The following CYFIP1 variants were observed in gnomAD, a reference collection of about 807,000 sequenced individuals.
CYFIP1 encodes the protein cytoplasmic FMR1-interacting protein 1.
CYFIP1 carries 58 observed loss-of-function variants against 163.5 expected under a neutral mutation model. That is an observed-to-expected ratio of 0.35 (90% CI 0.29 to 0.44). The LOEUF (loss-of-function observed/expected upper bound fraction) is 0.44, where lower values mean the gene tolerates loss of function less well. Ranked by LOEUF, CYFIP1 falls within the 20% of genes least tolerant of loss-of-function variation. The pLI, the probability that CYFIP1 is intolerant of heterozygous loss-of-function variation, is 1.00. For missense variants in CYFIP1, 1,338 were observed against 1,653.8 expected, an observed-to-expected ratio of 0.81 and a Z score of 3.31; for synonymous variants, 663 against 660.7, an observed-to-expected ratio of 1.00 and a Z score of -0.05.
chr15:22,915,146 A>C (rs1228639979), intron 16 of CYFIP1: 20 of 307,222 alleles, frequency 6.5e-5, no homozygotes, highest in Non-Finnish European at 9.6e-5. Flanking sequence ...TTTTTTTTTG[A>C]GACAGAGTCT....
intron 1 of CYFIP1, among the ~76,000 whole-genome samples, chr15:22,961,146 C>G (rs1336495063): frequency 6.6e-6 from 1 of 152,006 alleles, no homozygotes; most frequent in South Asian, 2.1e-4. Flanking sequence ...CTCAGCCTCC[C>G]GAGAAGCTGG....
At chr15:22,973,537 C>T (rs1022421121) in intron 1 of CYFIP1, among the ~76,000 whole-genome samples, 20 of 152,018 alleles carry the variant, frequency 1.3e-4, no homozygotes, top group Non-Finnish European at 2.4e-4. Context: ...TCTCCCCTTC[C>T]GCCAGCCACC....
At chr15:22,911,713 G>A (rs1433935239) in intron 18 of CYFIP1, among the ~76,000 whole-genome samples, 2 of 152,204 alleles carry the variant, frequency 1.3e-5, no homozygotes, top group African/African-American at 4.8e-5. Flanking sequence ...TTTTCAGGTG[G>A]TCTTTGTGAG....
At chr15:22,903,433 C>T (rs1731145048) in intron 22 of CYFIP1, among the ~76,000 whole-genome samples, 1 of 152,212 alleles carries the variant, frequency 6.6e-6, no homozygotes, top group African/African-American at 2.4e-5. Flanking sequence ...AAGAAGCAGA[C>T]TCACCCCACT....
At chr15:22,978,382 A>AAAAAG (rs2063352636) in intron 1 of CYFIP1, among the ~76,000 whole-genome samples, 2 of 147,334 alleles carry the variant, frequency 1.4e-5, no homozygotes, top group Non-Finnish European at 3.0e-5. Flanking sequence ...AAAAAAAAAA[A>AAAAAG]GGAATACTAT....
chr15:22,891,885 A>G (rs1008873306), intron 23 of CYFIP1, among the ~76,000 whole-genome samples: 3 of 152,250 alleles, frequency 2.0e-5, no homozygotes, highest in Non-Finnish European at 4.4e-5. Flanking sequence ...GAAAGCGTCC[A>G]GGTGCAGGCA....
intron 9 of CYFIP1, among the ~76,000 whole-genome samples, chr15:22,935,600 C>T (rs572353469): frequency 1.3e-5 from 2 of 152,054 alleles, no homozygotes; most frequent in Non-Finnish European, 2.9e-5. Flanking sequence ...ATGACACCAT[C>T]GAGAACGCGA....
intron 25 of CYFIP1, 58 bp downstream of exon 25, chr15:22,881,788 G>T: frequency 1.3e-6 from 2 of 1,523,556 alleles, no homozygotes; most frequent in South Asian, 2.3e-5. Flanking sequence ...TTTCTGACTT[G>T]AATTCCTTTC....
intron 22 of CYFIP1, among the ~76,000 whole-genome samples, chr15:22,903,159 C>T (rs867792450): frequency 8.5e-5 from 13 of 152,124 alleles, no homozygotes; most frequent in Non-Finnish European, 1.5e-4. Context: ...TGGTGGGTGA[C>T]ACAGACATGT....
chr15:22,894,545 C>G (rs2060173458), intron 22 of CYFIP1, among the ~76,000 whole-genome samples: 1 of 151,446 alleles, frequency 6.6e-6, no homozygotes, highest in Admixed American at 6.6e-5. Flanking sequence ...CCACCTTGGC[C>G]TCCCGAAGTG....
intron 1 of CYFIP1, among the ~76,000 whole-genome samples, chr15:22,972,422 G>A (rs187371638): frequency 6.6e-6 from 1 of 152,306 alleles, no homozygotes; most frequent in East Asian, 1.9e-4. Context: ...GGGTGACAGA[G>A]TGAGACTCCG....
At chr15:22,901,217 A>G (rs1231105323) in intron 22 of CYFIP1, among the ~76,000 whole-genome samples, 1 of 152,032 alleles carries the variant, frequency 6.6e-6, no homozygotes, top group Non-Finnish European at 1.5e-5. Flanking sequence ...AAACAAAAAA[A>G]AAAACCAAAA....
At position 22,947,259 on chromosome 15, in the gene CYFIP1, G is replaced by T; in HGVS notation, c.27C>A (p.Asp9Glu). Residue 9 changes from aspartate to glutamate, a missense_variant, in exon 2 of 31, where the codon GAC (aspartate) becomes GAA (glutamate). By Grantham distance (45) the Asp-to-Glu change is conservative (BLOSUM62 2). Around this residue, in one of 4 missense-constraint regions of CYFIP1, gnomAD observed 186 missense variants for 288.3 expected, o/e 0.65. Coordinates refer to ENST00000617928, the MANE Select transcript of CYFIP1 (RefSeq NM_014608.6). ...CCAGGAGGTCCACGTTGGACAGCGC[G>T]TCCTCCAGAGTCACCTGGGCCGCCA... MAAQVTLE[D>E]ALSNVDLLEE... 1 of 1,613,918 alleles carries T rather than the reference G, an allele frequency of 6.2e-7. No individual in the cohort carries two copies. Among genetic ancestry groups the T allele is most frequent in the Non-Finnish European group, 8.5e-7 (1 of 1,179,900 alleles).
At chr15:22,972,765 C>A (rs1245193136) in intron 1 of CYFIP1, among the ~76,000 whole-genome samples, 1 of 152,112 alleles carries the variant, frequency 6.6e-6, no homozygotes, top group Non-Finnish European at 1.5e-5. Flanking sequence ...ATAATCCCTG[C>A]GAAGCCCAGG....
At chr15:22,919,526 T>C (rs1329267115) in intron 13 of CYFIP1, among the ~76,000 whole-genome samples, 2 of 152,210 alleles carry the variant, frequency 1.3e-5, no homozygotes, top group African/African-American at 4.8e-5. Flanking sequence ...ATGATAGCTA[T>C]GTGAGGCCTA....
chr15:22,871,999 A>C (rs946088432), intron 30 of CYFIP1, among the ~76,000 whole-genome samples: 16 of 152,156 alleles, frequency 1.1e-4, no homozygotes, highest in African/African-American at 3.9e-4. Flanking sequence ...AAGCAATAGA[A>C]AACTAATACA....
At chr15:22,961,166 G>C (rs2140195635) in intron 1 of CYFIP1, among the ~76,000 whole-genome samples, 1 of 151,596 alleles carries the variant, frequency 6.6e-6, no homozygotes, top group East Asian at 1.9e-4. Flanking sequence ...GGATTACAGG[G>C]GCTCGCCACC....
chr15:22,976,952 C>T (rs2063302092), intron 1 of CYFIP1, among the ~76,000 whole-genome samples: 1 of 152,170 alleles, frequency 6.6e-6, no homozygotes, highest in Non-Finnish European at 1.5e-5. Flanking sequence ...ATAATCCTAG[C>T]ACTTTGGGAG....
chr15:22,947,947 C>T lies in CYFIP1; in HGVS notation c.-6-656G>A, dbSNP rs2062115833. 3 of 985,476 alleles carry T rather than the reference C, an allele frequency of 3.0e-6. No homozygotes were observed. The South Asian group carries it at 1.4e-4, about 46-fold the overall frequency. The allele number at this position is 985,476 out of a possible 1,614,324, so 61.0% of individuals were successfully genotyped here. On this transcript the variant is annotated intron_variant, in intron 1 of 30. Coordinates refer to ENST00000617928, the MANE Select transcript of CYFIP1 (RefSeq NM_014608.6). ...GCTCCAGGGAGAGGGGGCAATCTGC[C>T]TTCTGCTGAATCTGCTCCAGTCTCA...
Sources: gnomAD v4.1 joint callset for allele counts (sites outside exome capture counted in the v4.1 genomes callset) on GRCh38, gnomAD v4.1.1 for gene constraint, gnomAD v4.1.1 regional missense constraint, MANE v1.5 for transcripts, NCBI Gene and HGNC (gene_info 2026-07-23, HGNC 2026-07-21) for gene names.